The following NAGK variants were observed in gnomAD, a reference collection of about 807,000 sequenced individuals.
NAGK encodes N-acetyl-D-glucosamine kinase.
In NAGK, 35 loss-of-function variants were observed where a neutral mutation model predicts 42.9. The ratio of observed to expected loss-of-function variants is 0.82; its 90% CI spans 0.62 to 1.08. The LOEUF (loss-of-function observed/expected upper bound fraction) is 1.08. Ranked by LOEUF, NAGK falls within the 50% of genes least tolerant of loss-of-function variation. The probability of loss-of-function intolerance (pLI) is 0.00; values close to 1 mark genes in which losing one functional copy is unlikely to be tolerated. For synonymous variants in NAGK, 172 were observed against 176.0 expected, an observed-to-expected ratio of 0.98 and a Z score of 0.18; for missense variants, 446 against 446.0, an observed-to-expected ratio of 1.00 and a Z score of 0.00.
Position 71,075,652 on chromosome 2 carries a change from G to GT in NAGK, c.667+11dup. 6.2e-7 allele frequency: 1 copy of GT among 1,605,970 alleles called. No individual in the cohort carries two copies. The highest frequency in any genetic ancestry group is 1.1e-5 in the South Asian group (1 of 90,894). On this transcript the variant is annotated intron_variant, in intron 7 of 9. Coordinates refer to ENST00000244204, the MANE Select transcript of NAGK (RefSeq NM_017567.6). ...CGGAAAATTGCAGAAGGTACTGGAG[G>GT]TGGGGGGTGGGTTTTATCTGGCTTT...
intron 8 of NAGK, among the ~76,000 whole-genome samples, chr2:71,077,185 G>A (rs1321002935): frequency 6.6e-6 from 1 of 152,092 alleles, no homozygotes; most frequent in Non-Finnish European, 1.5e-5. Context: ...GGTAGGTCTT[G>A]AACTCCTGAC....
chr2:71,068,621 G>T (rs1301242029), upstream of NAGK: 7 of 1,523,970 alleles, frequency 4.6e-6, no homozygotes, highest in Non-Finnish European at 5.3e-6. Flanking sequence ...ACAGCTGGAG[G>T]GAAGGAGGTG....
Position 71,075,656 on chromosome 2 carries a change from G to A in NAGK, c.667+14G>A. On this transcript the variant is annotated intron_variant, in intron 7 of 9. Coordinates refer to ENST00000244204, the MANE Select transcript of NAGK (RefSeq NM_017567.6). ...AAATTGCAGAAGGTACTGGAGGTGG[G>A]GGGTGGGTTTTATCTGGCTTTGTTC... 1.9e-6 allele frequency: 3 copies of A among 1,605,246 alleles called. No individual in the cohort carries two copies. Among genetic ancestry groups the A allele is most frequent in the African/African-American group, 1.3e-5 (1 of 74,800 alleles).
At chr2:71,075,997 A>G in intron 7 of NAGK, 1 of 291,854 alleles carries the variant, frequency 3.4e-6, no homozygotes, top group Non-Finnish European at 6.6e-6. Context: ...TAGAGAGGTT[A>G]GGCATATTTT....
intron 7 of NAGK, 59 bp from the exon 8 acceptor site, chr2:71,076,545 C>A: frequency 7.2e-7 from 1 of 1,380,042 alleles, no homozygotes. Context: ...GAGGATAGCC[C>A]AGGAATGGCA....
Position 71,073,576 on chromosome 2 carries a change from C to T in NAGK, c.561C>T (p.Ala187=). The T allele has an allele frequency of 6.2e-7, 1 of 1,613,556 alleles. No individual in the cohort carries two copies. The highest frequency in any genetic ancestry group is 8.5e-7 in the Non-Finnish European group (1 of 1,179,450). Residue 187 remains alanine, a synonymous_variant, in exon 6 of 10, where the codon GCC becomes GCT. Coordinates refer to ENST00000244204, the MANE Select transcript of NAGK (RefSeq NM_017567.6). The part of the protein sequence containing the change: ...APHDIGYVKQ[A]MFHYFQVPDR... ...ATGATATCGGCTACGTCAAACAGGC[C>T]ATGTTCCACTATTTCCAGGTACTCC...
chr2:71,073,320 T>TCCCCCCCCCCCCCCC, intron 5 of NAGK, 162 bp from the exon 6 acceptor site: 2 of 391,476 alleles, frequency 5.1e-6, no homozygotes, highest in Non-Finnish European at 1.0e-5. Context: ...ATAGAGACCC[T>TCCCCCCCCCCCCCCC]CCCACCCCCC....
In NAGK at chr2:71,072,701, C is replaced by G. The variant is rs201875949; in HGVS notation, c.416C>G (p.Ser139Cys). Residue 139 changes from serine to cysteine, a missense_variant, in exon 5 of 10, where the codon TCC (serine) becomes TGC (cysteine). Coordinates refer to ENST00000244204, the MANE Select transcript of NAGK (RefSeq NM_017567.6). ...TGCAGGCTCATCAACCCTGATGGCT[C>G]CGAGAGTGGCTGCGGCGGCTGGGGC... The part of the protein sequence containing the change: ...SNCRLINPDG[S>C]ESGCGGWGHM... 75 of 1,614,024 alleles carry G rather than the reference C, an allele frequency of 4.6e-5. No individual in the cohort carries two copies. The highest frequency in any genetic ancestry group is 5.9e-5 in the Non-Finnish European group (70 of 1,180,000).
At chr2:71,069,018 T>G in intron 1 of NAGK, 1 of 1,145,102 alleles carries the variant, frequency 8.7e-7, no homozygotes, top group Non-Finnish European at 1.1e-6. Flanking sequence ...AGCTCCTTTT[T>G]CCTATTCCTG....
At chr2:71,075,780 TTGG>T (rs1672188126) in intron 7 of NAGK, 138 bp downstream of exon 7, 4 of 820,664 alleles carry the variant, frequency 4.9e-6, no homozygotes, top group South Asian at 1.6e-5. Context: ...ACCACTGGCC[TTGG>T]TGGTGGTGGG....
intron 6 of NAGK, among the ~76,000 whole-genome samples, chr2:71,074,122 A>G (rs867070512): frequency 1.6e-4 from 25 of 152,214 alleles, no homozygotes; most frequent in African/African-American, 5.3e-4. Flanking sequence ...GTTAGGAAAC[A>G]TCTGCCTTTA....
intron 1 of NAGK, chr2:71,070,178 A>G: frequency 3.4e-6 from 1 of 296,948 alleles, no homozygotes; most frequent in Non-Finnish European, 6.6e-6. Flanking sequence ...ATAACTTTGG[A>G]GGCACTATGA....
upstream of NAGK, chr2:71,068,324 T>C (rs1671852335): frequency 1.9e-6 from 1 of 524,336 alleles, no homozygotes; most frequent in Non-Finnish European, 3.1e-6. Flanking sequence ...TCCGGGCGTT[T>C]ACAGGCAGGC....
chr2:71,070,457 G>C lies in NAGK; in HGVS notation c.30-45G>C, dbSNP rs375631181. The stretch of plus-strand genomic sequence containing the variant: ...GGACAGCACAAGCTTAGCTCTCTCT[G>C]TGGGTTTTTCCGAGCAAGATCAAGT... On this transcript the variant is annotated intron_variant, in intron 1 of 9. Transcript: ENST00000244204. 6.7e-5 allele frequency: 103 copies of C among 1,540,558 alleles called. 2 individuals carry two copies. The highest frequency in any genetic ancestry group is 6.0e-4 in the South Asian group (53 of 88,738).
In NAGK at chr2:71,078,506, T is replaced by C. The variant is rs1672298670; in HGVS notation, c.1033T>C (p.Ter345GlnextTer17). The C allele has an allele frequency of 6.5e-7, 1 of 1,530,358 alleles. No homozygotes were observed. The highest frequency in any genetic ancestry group is 2.5e-5 in the East Asian group (1 of 40,760). 94.8% of individuals were successfully genotyped at this position (1,530,358 alleles called of 1,614,324 possible). ...AIAFYSYTFS[*>Q] ...TGCCTTCTATTCCTACACCTTTTCCTAGGGGGCTGGTCCCGGCTCCACCCC... is the reference window on the plus strand; with the variant it reads ...TGCCTTCTATTCCTACACCTTTTCCCAGGGGGCTGGTCCCGGCTCCACCCC... The change falls in exon 10 of 10, where the codon TAG (stop) becomes CAG (glutamine). Residue 345 changes from the stop codon to glutamine (Q), a stop_lost. Transcript: ENST00000244204.
In NAGK at chr2:71,075,558, C is replaced by T. The variant is rs1170981133; in HGVS notation, c.583C>T (p.Pro195Ser). The T allele has an allele frequency of 3.7e-6, 6 of 1,612,600 alleles. No individual in the cohort carries two copies. The South Asian group carries it at 5.5e-5, about 15-fold the overall frequency. The change falls in exon 7 of 10, where the codon CCA becomes TCA. Residue 195 changes from proline to serine, a missense_variant. Pro to Ser is a moderately conservative substitution (Grantham distance 74). Transcript: ENST00000244204. Reference sequence around the variant, plus strand: ...CTTGTGCCCTTTCTCCTCTCAGGTGCCAGATCGGCTAGGGATACTCACTCA... The same window carrying T: ...CTTGTGCCCTTTCTCCTCTCAGGTGTCAGATCGGCTAGGGATACTCACTCA... Reference protein sequence around the residue: ...KQAMFHYFQVPDRLGILTHLY... With the variant: ...KQAMFHYFQVSDRLGILTHLY...
chr2:71,073,024 G>A (rs1672080103), intron 5 of NAGK: 1 of 500,380 alleles, frequency 2.0e-6, no homozygotes, highest in Non-Finnish European at 3.7e-6. Flanking sequence ...GCTGTCCTTA[G>A]GGAGGAGTTG....
intron 1 of NAGK, chr2:71,069,716 C>G (rs1159139229): frequency 6.5e-6 from 1 of 154,668 alleles, no homozygotes; most frequent in Non-Finnish European, 1.5e-5. Context: ...GTATTAACTA[C>G]CCCCTTGAAA....
intron 2 of NAGK, 41 bp from the exon 3 acceptor site, chr2:71,070,700 T>G: frequency 6.2e-7 from 1 of 1,613,306 alleles, no homozygotes; most frequent in East Asian, 2.2e-5. Flanking sequence ...ACATAGCTTC[T>G]GTAAGCCTTT....
Sources: allele counts gnomAD v4.1 joint callset (sites outside exome capture counted in the v4.1 genomes callset), GRCh38; gene constraint gnomAD v4.1.1; transcripts MANE v1.5; gene names NCBI Gene and HGNC (gene_info 2026-07-23, HGNC 2026-07-21).